NAV3: variants seen among roughly 807,000 people sequenced by gnomAD.
NAV3 encodes pore membrane and/or filament interacting like protein 1.
A neutral mutation model predicts 244.7 loss-of-function variants in NAV3; 87 were observed. The observed-to-expected ratio is 0.36, with a 90% CI of 0.30 to 0.42. The LOEUF is 0.42. Among genes scored for constraint, NAV3 ranks in the 20% least tolerant of loss-of-function variants. NAV3 has a pLI of 1.00. For missense variants in NAV3, 2,663 were observed against 2,893.3 expected (o/e 0.92, Z 1.83); for synonymous variants, 1,126 against 1,042.2 (o/e 1.08, Z -1.55).
Position 77,944,067 on chromosome 12 carries a change from T to C in NAV3, c.414+2934T>C, listed in dbSNP as rs148689410. ...AGAATTGGAGGAGCAAATGTTTAGATAAATAACAGCAACAGTTACATAGGC... is the reference window on the plus strand; with the variant it reads ...AGAATTGGAGGAGCAAATGTTTAGACAAATAACAGCAACAGTTACATAGGC... On this transcript the variant is annotated intron_variant, in intron 3 of 39. Transcript: ENST00000397909. Among the ~76,000 whole-genome samples the C allele has an allele frequency of 7.4e-3, 1,132 of 152,172 alleles. 13 individuals carry two copies. The highest frequency in any genetic ancestry group is 0.024 in the Middle Eastern group (7 of 294).
rs61754236 is a variant in NAV3, at chr12:78,137,211, C to T, written c.4476C>T (p.Pro1492=). Residue 1492 remains proline (P), a synonymous_variant, in exon 19 of 40, where the codon CCC becomes CCT. Coordinates refer to ENST00000397909, the MANE Select transcript of NAV3 (RefSeq NM_001024383.2). ...CAAATTTGTCTCAGTTTAACCTTCCCGGGCCCAGCATGATGCGCTCAAACA... is the reference window on the plus strand; with the variant it reads ...CAAATTTGTCTCAGTTTAACCTTCCTGGGCCCAGCATGATGCGCTCAAACA... ...SPTNLSQFNL[P]GPSMMRSNSI... is the part of the protein sequence containing the mutation. 19,004 of 1,612,666 alleles carry T rather than the reference C, an allele frequency of 0.012. 147 individuals are homozygous for T. Among genetic ancestry groups the T allele is most frequent in the Non-Finnish European group, 0.014 (16,654 of 1,179,214 alleles).
At chr12:78,206,223 G>A (rs931259418) in intron 39 of NAV3, among the ~76,000 whole-genome samples, 8 of 152,044 alleles carry the variant, frequency 5.3e-5, no homozygotes, top group Admixed American at 3.3e-4. Flanking sequence ...TGATCTAGGC[G>A]ATATCTTCCT....
Position 78,164,133 on chromosome 12 carries a change from A to G in NAV3, c.4870-4622A>G, listed in dbSNP as rs192551055. Among the ~76,000 whole-genome samples the G allele has an allele frequency of 2.9e-3, 447 of 152,260 alleles. 2 individuals carry two copies. Among genetic ancestry groups the G allele is most frequent in the African/African-American group, 1.0e-2 (415 of 41,580 alleles). ...TAAATCCTTGTGTTCAAATTTACTA[A>G]AGCTATATTCACAGCTAAATATTTC... On this transcript the variant is annotated intron_variant, in intron 23 of 39. Transcript: ENST00000397909.
chr12:78,054,712 A>G (rs11108037), intron 11 of NAV3, among the ~76,000 whole-genome samples: 11,518 of 152,216 alleles, frequency 0.076, 460 homozygotes, highest in Admixed American at 0.091. Flanking sequence ...CTACCCATGA[A>G]GGCATAAGGC....
chr12:78,029,244 A>T (rs1878582709), intron 9 of NAV3, among the ~76,000 whole-genome samples: 1 of 152,056 alleles, frequency 6.6e-6, no homozygotes, highest in Non-Finnish European at 1.5e-5. Context: ...TATCAAAGAA[A>T]TTTTTAACAT....
At chr12:77,904,332 A>G (rs1311586928) in intron 1 of NAV3, among the ~76,000 whole-genome samples, 1 of 152,184 alleles carries the variant, frequency 6.6e-6, no homozygotes. Flanking sequence ...TGATGAGTTC[A>G]TGTCCTTTGT....
chr12:78,109,501 A>T (rs1954977714), intron 12 of NAV3, among the ~76,000 whole-genome samples: 1 of 152,032 alleles, frequency 6.6e-6, no homozygotes, highest in Admixed American at 6.6e-5. Flanking sequence ...CACAAAAAGA[A>T]AACTACAGGC....
At chr12:77,680,464 C>T (rs185620739) in intron 2 of NAV3, among the ~76,000 whole-genome samples, 32 of 152,236 alleles carry the variant, frequency 2.1e-4, no homozygotes, top group Admixed American at 7.2e-4. Flanking sequence ...CTCTATTTCT[C>T]TGTTAGAGTT....
chr12:77,640,210 G>A (rs1271538029), intron 2 of NAV3, among the ~76,000 whole-genome samples: 1 of 152,058 alleles, frequency 6.6e-6, no homozygotes, highest in Non-Finnish European at 1.5e-5. Flanking sequence ...AAATGATGCA[G>A]TTAGAAATCT....
At chr12:77,856,441 T>C (rs1878410185) in intron 1 of NAV3, among the ~76,000 whole-genome samples, 1 of 152,166 alleles carries the variant, frequency 6.6e-6, no homozygotes, top group Non-Finnish European at 1.5e-5. Flanking sequence ...CCAAGATTTG[T>C]TTCCTATGTT....
chr12:77,882,845 A>G (rs1464825772), intron 1 of NAV3, among the ~76,000 whole-genome samples: 1 of 152,178 alleles, frequency 6.6e-6, no homozygotes, highest in Non-Finnish European at 1.5e-5. Context: ...ATCATTGCTC[A>G]TCATCAGAGA....
At chr12:78,181,704 T>C (rs1488517629) in intron 30 of NAV3, among the ~76,000 whole-genome samples, 1 of 152,062 alleles carries the variant, frequency 6.6e-6, no homozygotes, top group African/African-American at 2.4e-5. Flanking sequence ...CTATATAATA[T>C]TTACATGAGG....
chr12:77,648,612 T>C (rs1872697724), intron 2 of NAV3, among the ~76,000 whole-genome samples: 1 of 152,118 alleles, frequency 6.6e-6, no homozygotes, highest in South Asian at 2.1e-4. Flanking sequence ...CATTCAGTTA[T>C]GAAGGAAACT....
At chr12:77,621,506 A>G (rs1299693740) in intron 2 of NAV3, among the ~76,000 whole-genome samples, 1 of 130,172 alleles carries the variant, frequency 7.7e-6, no homozygotes, top group African/African-American at 3.0e-5. Flanking sequence ...TTTGAGATGG[A>G]GTCTCACTCT....
chr12:78,047,996 A>G (rs1882115364), intron 9 of NAV3, among the ~76,000 whole-genome samples: 2 of 151,622 alleles, frequency 1.3e-5, no homozygotes, highest in Admixed American at 1.3e-4. Context: ...CCCTCTATCT[A>G]TTTGGCTATT....
intron 2 of NAV3, among the ~76,000 whole-genome samples, chr12:77,645,115 C>T (rs938987183): frequency 4.6e-5 from 7 of 152,064 alleles, no homozygotes; most frequent in Admixed American, 1.3e-4. Flanking sequence ...TCTGGGATCT[C>T]AGCTTCTCAG....
chr12:77,659,079 C>T (rs1487514072), intron 2 of NAV3, among the ~76,000 whole-genome samples: 58 of 151,846 alleles, frequency 3.8e-4, no homozygotes, highest in Non-Finnish European at 6.9e-4. Flanking sequence ...ACACCAAAAG[C>T]AATGGCAACA....
rs766471918 is a variant in NAV3, at chr12:78,210,542, G to T, written c.*25G>T. ...GAGGGTGAAAAAAGTTAAGGGAAAA[G>T]ACTTTGCTTTTAAAAAAATGTTTCA... On this transcript the variant is annotated 3_prime_UTR_variant, in exon 40 of 40. Transcript: ENST00000397909. The T allele has an allele frequency of 1.0e-5, 16 of 1,601,666 alleles. No individual in the cohort carries two copies. The highest frequency in any genetic ancestry group is 1.4e-5 in the Non-Finnish European group (16 of 1,175,902).
intron 2 of NAV3, among the ~76,000 whole-genome samples, chr12:77,577,631 T>C (rs1309460457): frequency 1.3e-5 from 2 of 152,182 alleles, no homozygotes; most frequent in Non-Finnish European, 2.9e-5. Flanking sequence ...CCAAGATATA[T>C]AACACTCAAT....
Sources: allele counts gnomAD v4.1 joint callset (sites outside exome capture counted in the v4.1 genomes callset), GRCh38; gene constraint gnomAD v4.1.1; transcripts MANE v1.5; gene names NCBI Gene and HGNC (gene_info 2026-07-23, HGNC 2026-07-21).